The following ENTPD1 variants were observed in gnomAD, a reference collection of about 807,000 sequenced individuals.
The protein encoded by ENTPD1 is ATP diphosphohydrolase.
A neutral mutation model predicts 57.0 loss-of-function variants in ENTPD1; 33 were observed. The observed-to-expected ratio is 0.58, with a 90% CI of 0.44 to 0.77. The LOEUF (loss-of-function observed/expected upper bound fraction) is 0.77. ENTPD1 is among the 30% of genes least tolerant of loss of function. ENTPD1 has a pLI of 0.00. For missense variants in ENTPD1, 501 were observed against 603.4 expected, an observed-to-expected ratio of 0.83 and a Z score of 1.78; for synonymous variants, 202 against 218.8, an observed-to-expected ratio of 0.92 and a Z score of 0.68.
At chr10:95,836,464 T>C (rs1035129921) in intron 2 of ENTPD1, among the ~76,000 whole-genome samples, 14 of 152,216 alleles carry the variant, frequency 9.2e-5, no homozygotes, top group African/African-American at 3.1e-4. Context: ...CTTCATTTTA[T>C]AAGTGATATT....
chr10:95,713,826 A>G (rs2097968538), intron 1 of ENTPD1, among the ~76,000 whole-genome samples: 1 of 152,234 alleles, frequency 6.6e-6, no homozygotes, highest in Non-Finnish European at 1.5e-5. Context: ...AGAAAGGAAA[A>G]AAAATCTATC....
chr10:95,808,720 C>CT (rs60603484), intron 1 of ENTPD1, among the ~76,000 whole-genome samples: 66,326 of 143,774 alleles, frequency 0.46, 15,228 homozygotes, highest in Admixed American at 0.54. Context: ...ATTTTAGTTG[C>CT]TTTTTTTTTT....
upstream of ENTPD1, chr10:95,756,090 G>T: frequency 6.6e-7 from 1 of 1,517,394 alleles, no homozygotes; most frequent in Non-Finnish European, 8.8e-7. Context: ...CTTCCGAAAC[G>T]GGGCCGGCTA....
At chr10:95,798,340 A>T (rs74897761) in intron 1 of ENTPD1, among the ~76,000 whole-genome samples, 5,718 of 152,022 alleles carry the variant, frequency 0.038, 134 homozygotes, top group Non-Finnish European at 0.05. Flanking sequence ...GGAGAATTTT[A>T]AAAAAAAGCA....
intron 7 of ENTPD1, among the ~76,000 whole-genome samples, chr10:95,848,449 C>A (rs1352841225): frequency 6.6e-6 from 1 of 151,964 alleles, no homozygotes. Context: ...GATTATCTTC[C>A]CGTCTGCTTG....
At position 95,870,619 on chromosome 10, in the gene ENTPD1, C is replaced by T. The variant is rs1378212033; in HGVS notation, c.*4236C>T. ...ATAGCTCACAGAACAAAGTTTGCCA[C>T]ATAATGATAAAATTACTATGAAAAT... On this transcript the variant is annotated 3_prime_UTR_variant, in exon 10 of 10. Transcript: ENST00000371205. 1.0e-6 allele frequency: 1 copy of T among 985,340 alleles called. No homozygotes were observed. The highest frequency in any genetic ancestry group is 1.7e-5 in the African/African-American group (1 of 57,248). 61.0% of individuals were successfully genotyped at this position (985,340 alleles called of 1,614,324 possible).
intron 1 of ENTPD1, among the ~76,000 whole-genome samples, chr10:95,809,843 CTG>C (rs2098294923): frequency 7.0e-6 from 1 of 142,076 alleles, no homozygotes; most frequent in African/African-American, 2.7e-5. Flanking sequence ...AGCGGCCGGG[CTG>C]AGATGCTCCT....
chr10:95,768,184 A>G (rs2098098138), intron 1 of ENTPD1, among the ~76,000 whole-genome samples: 1 of 152,222 alleles, frequency 6.6e-6, no homozygotes, highest in Admixed American at 6.5e-5. Context: ...TTTAGCCTGA[A>G]TGGTTTTTGT....
the ENTPD1 span, among the ~76,000 whole-genome samples, chr10:95,695,995 G>C: frequency 6.6e-6 from 1 of 151,954 alleles, no homozygotes; most frequent in Non-Finnish European, 1.5e-5. Flanking sequence ...TCTGATCAGA[G>C]ACTATTTTAG....
In ENTPD1 at chr10:95,871,213, T is replaced by G; in HGVS notation, c.*4830T>G. 1.0e-6 allele frequency: 1 copy of G among 985,450 alleles called. No individual in the cohort carries two copies. Among genetic ancestry groups the G allele is most frequent in the South Asian group, 4.7e-5 (1 of 21,290 alleles). 61.0% of individuals were successfully genotyped at this position (985,450 alleles called of 1,614,324 possible). A position where few individuals can be genotyped will look rare whatever the true frequency, so the allele number is the denominator to read the frequency against. ...GATTAATTTTAACACAGGAAAAAAG[T>G]AAAGCATTAAATGCGATTATTTAAT... On this transcript the variant is annotated 3_prime_UTR_variant, in exon 10 of 10. Coordinates refer to ENST00000371205, the MANE Select transcript of ENTPD1 (RefSeq NM_001776.6).
At position 95,777,465 on chromosome 10, in the gene ENTPD1, CTGCAGAACAGCAAATAT is replaced by C. The variant is rs551952129; in HGVS notation, c.16+21231_16+21247del. On this transcript the variant is annotated intron_variant, in intron 1 of 9. Transcript: ENST00000371205. ...TTTTTCTGGGTATCACCAGCAGAGGCTGCAGAACAGCAAATATTGCAGAACAGCAAATATTGCTGCCT... is the reference window on the plus strand; with the variant it reads ...TTTTTCTGGGTATCACCAGCAGAGGCTGCAGAACAGCAAATATTGCTGCCT... Among the ~76,000 whole-genome samples, 33 of 152,350 alleles carry C rather than the reference CTGCAGAACAGCAAATAT, an allele frequency of 2.2e-4. No individual in the cohort carries two copies. The East Asian group carries it at 5.8e-3, about 27-fold the overall frequency.
intron 1 of ENTPD1, among the ~76,000 whole-genome samples, chr10:95,749,705 T>C (rs12775598): frequency 0.03 from 4,622 of 152,176 alleles, 101 homozygotes; most frequent in Non-Finnish European, 0.046. Flanking sequence ...ACTTGGAGGC[T>C]AGAGCTGAGG....
At chr10:95,700,717 A>G in the ENTPD1 span, among the ~76,000 whole-genome samples, 1 of 152,160 alleles carries the variant, frequency 6.6e-6, no homozygotes, top group East Asian at 1.9e-4. Flanking sequence ...TGGAAAAACA[A>G]TAAAACAAAT....
At chr10:95,857,996 C>T (rs529921531) in intron 7 of ENTPD1, among the ~76,000 whole-genome samples, 3 of 152,092 alleles carry the variant, frequency 2.0e-5, no homozygotes, top group East Asian at 1.9e-4. Flanking sequence ...CCCGTCTCTA[C>T]TAAAAATACA....
intron 7 of ENTPD1, among the ~76,000 whole-genome samples, chr10:95,852,973 T>C (rs1004805364): frequency 3.9e-5 from 6 of 152,144 alleles, no homozygotes; most frequent in African/African-American, 1.4e-4. Context: ...TGAAGAAAGT[T>C]ATTGGTAGCT....
chr10:95,745,314 G>A (rs1308695522), intron 1 of ENTPD1, among the ~76,000 whole-genome samples: 1 of 152,118 alleles, frequency 6.6e-6, no homozygotes, highest in East Asian at 1.9e-4. Flanking sequence ...CTCCTAAGTA[G>A]ATGGGATATA....
the ENTPD1 span, among the ~76,000 whole-genome samples, chr10:95,699,683 A>G: frequency 2.6e-5 from 4 of 152,270 alleles, no homozygotes; most frequent in Non-Finnish European, 5.9e-5. Context: ...AGAAAGATGC[A>G]CATTTGACCC....
chr10:95,823,371 C>A lies in ENTPD1; in HGVS notation c.144+7C>A. The A allele has an allele frequency of 6.2e-7, 1 of 1,613,800 alleles. No individual in the cohort carries two copies. Among genetic ancestry groups the A allele is most frequent in the South Asian group, 1.1e-5 (1 of 91,042 alleles). On this transcript the variant is annotated splice_region_variant and intron_variant, in intron 2 of 9. Transcript: ENST00000371205. ...ATTGCCAGAAAACGTTAAGGTAAGT[C>A]AAATATATCTGTGTGTTTGTGTGTA... is the stretch of plus-strand genomic sequence containing the variant.
At chr10:95,834,767 C>T (rs1181483361) in intron 2 of ENTPD1, among the ~76,000 whole-genome samples, 1 of 152,050 alleles carries the variant, frequency 6.6e-6, no homozygotes, top group Non-Finnish European at 1.5e-5. Context: ...ACCAAGGCCC[C>T]TGCATTGGTG....
Sources: allele counts gnomAD v4.1 joint callset (sites outside exome capture counted in the v4.1 genomes callset), GRCh38; gene constraint gnomAD v4.1.1; transcripts MANE v1.5; gene names NCBI Gene and HGNC (gene_info 2026-07-23, HGNC 2026-07-21).